The following GRM1 variants were observed in gnomAD, a reference collection of about 807,000 sequenced individuals.
The protein encoded by GRM1 is glutamate metabotropic receptor 1, also known as metabotropic glutamate receptor 1.
Under a neutral mutation model 90.9 loss-of-function variants are expected in GRM1, and 33 were observed. That is an observed-to-expected ratio of 0.36 (90% CI 0.28 to 0.49). GRM1 has a LOEUF of 0.49. Among genes scored for constraint, GRM1 ranks in the 20% least tolerant of loss-of-function variants. The pLI is 0.99. For missense variants in GRM1, 1,190 were observed against 1,534.3 expected, an observed-to-expected ratio of 0.78 and a Z score of 3.75; for synonymous variants, 700 against 613.2, an observed-to-expected ratio of 1.14 and a Z score of -2.09.
intron 1 of GRM1, among the ~76,000 whole-genome samples, chr6:146,063,331 G>A (rs182965622): frequency 7.9e-4 from 121 of 152,256 alleles, no homozygotes; most frequent in Middle Eastern, 6.8e-3. Context: ...GTTTTTAATC[G>A]AGTCTCATCA....
chr6:146,344,397 T>A (rs978851671), intron 3 of GRM1, among the ~76,000 whole-genome samples: 3 of 152,242 alleles, frequency 2.0e-5, no homozygotes, highest in Non-Finnish European at 4.4e-5. Flanking sequence ...TTGTCGTTCT[T>A]GTTTCTGTAA....
intron 2 of GRM1, among the ~76,000 whole-genome samples, chr6:146,199,324 T>A (rs1335571495): frequency 6.6e-6 from 1 of 152,214 alleles, no homozygotes; most frequent in African/African-American, 2.4e-5. Context: ...TCAGCATTGG[T>A]CATTGCTTTC....
rs552799663 is a variant in GRM1 at position 146,392,008 on chromosome 6, C to A, written c.1729+4992C>A. ...TGTATAGGACAGAGTTATTTTATAG[C>A]TAGATTTGGACAACTTTATGATTAT... On this transcript the variant is annotated intron_variant, in intron 6 of 7. Coordinates refer to ENST00000282753, the MANE Select transcript of GRM1 (RefSeq NM_001278064.2). Among the ~76,000 whole-genome samples the A allele has an allele frequency of 2.6e-5, 4 of 152,212 alleles. No individual in the cohort carries two copies. The South Asian group carries it at 8.3e-4, about 32-fold the overall frequency.
rs1213846206 is a variant in GRM1 at position 146,435,867 on chromosome 6, A to G, written c.*1071A>G. The G allele has an allele frequency of 6.5e-6, 1 of 152,782 alleles. No individual in the cohort carries two copies. The highest frequency in any genetic ancestry group is 1.9e-4 in the East Asian group (1 of 5,182). 9.5% of individuals were successfully genotyped at this position (152,782 alleles called of 1,614,324 possible). ...GAACTTCTAAGATGCGTATATGTAC[A>G]ATTTGGTGCCATTATTTCTCCTACG... On this transcript the variant is annotated 3_prime_UTR_variant, in exon 8 of 8. Coordinates refer to ENST00000282753, the MANE Select transcript of GRM1 (RefSeq NM_001278064.2).
At chr6:146,161,899 T>C (rs1478115202) in intron 2 of GRM1, among the ~76,000 whole-genome samples, 1 of 152,164 alleles carries the variant, frequency 6.6e-6, no homozygotes, top group South Asian at 2.1e-4. Flanking sequence ...CAGAGCCAAG[T>C]AGTGAGACGA....
intron 3 of GRM1, among the ~76,000 whole-genome samples, chr6:146,324,326 A>G (rs1784320483): frequency 6.6e-6 from 1 of 152,088 alleles, no homozygotes; most frequent in African/African-American, 2.4e-5. Context: ...TAGCTTGCTG[A>G]GCTCTGTGCG....
intron 7 of GRM1, among the ~76,000 whole-genome samples, chr6:146,412,633 T>C (rs748014341): frequency 2.5e-4 from 38 of 152,244 alleles, no homozygotes; most frequent in Non-Finnish European, 4.1e-4. Context: ...GTGCTCAGCT[T>C]TTCTGACAGA....
At chr6:146,112,632 T>C (rs1296734069) in intron 1 of GRM1, among the ~76,000 whole-genome samples, 1 of 152,212 alleles carries the variant, frequency 6.6e-6, no homozygotes, top group African/African-American at 2.4e-5. Context: ...ACTGTTTCTA[T>C]GCATAAGAAG....
At chr6:146,081,796 G>T (rs1376807051) in intron 1 of GRM1, among the ~76,000 whole-genome samples, 1 of 152,086 alleles carries the variant, frequency 6.6e-6, no homozygotes, top group Admixed American at 6.5e-5. Flanking sequence ...TTGAGTCTCT[G>T]GAGTGGCAAA....
chr6:146,175,110 C>T (rs189214762), intron 2 of GRM1, among the ~76,000 whole-genome samples: 101 of 152,208 alleles, frequency 6.6e-4, no homozygotes, highest in Admixed American at 1.4e-3. Context: ...CTAGGTCCAG[C>T]AATTCAAGGG....
At chr6:146,393,728 C>G (rs546639259) in intron 6 of GRM1, among the ~76,000 whole-genome samples, 1 of 152,252 alleles carries the variant, frequency 6.6e-6, no homozygotes, top group African/African-American at 2.4e-5. Context: ...TCCCATCAAG[C>G]TACCATTGAC....
intron 6 of GRM1, 88 bp from the exon 7 acceptor site, chr6:146,398,679 AAG>A: frequency 1.1e-6 from 1 of 887,506 alleles, no homozygotes; most frequent in Non-Finnish European, 1.9e-6. Flanking sequence ...GAAGGATGCA[AAG>A]ATGACTGTGT....
chr6:146,428,194 T>G (rs1778284222), intron 7 of GRM1, among the ~76,000 whole-genome samples: 1 of 152,206 alleles, frequency 6.6e-6, no homozygotes, highest in Admixed American at 6.5e-5. Context: ...AAACTAAGAC[T>G]GGATATTTTT....
chr6:146,205,288 TAGCATACAAAA>T (rs1779457229), intron 2 of GRM1, among the ~76,000 whole-genome samples: 1 of 152,200 alleles, frequency 6.6e-6, no homozygotes, highest in Non-Finnish European at 1.5e-5. Context: ...TATTCTTTCA[TAGCATACAAAA>T]TTTATTTTAA....
At chr6:146,140,138 T>TTTCTTTCTTTCTTTCTTTCTTTCC (rs1415545136) in intron 1 of GRM1, among the ~76,000 whole-genome samples, 2 of 128,272 alleles carry the variant, frequency 1.6e-5, no homozygotes, top group Admixed American at 8.6e-5. Context: ...TCTTTCTTTC[T>TTTCTTTCTTTCTTTCTTTCTTTCC]TTCCTTCCTT....
rs1235646865 is a variant in GRM1, at chr6:146,434,722, C to T, written c.3511C>T (p.Leu1171Phe). The T allele has an allele frequency of 1.2e-6, 2 of 1,601,570 alleles. No individual in the cohort carries two copies. The highest frequency in any genetic ancestry group is 4.5e-5 in the East Asian group (2 of 44,870). The change falls in exon 8 of 8, where the codon CTC becomes TTC. Residue 1171 changes from leucine to phenylalanine, a missense_variant. By Grantham distance (22) the Leu-to-Phe change is conservative. Around this residue, in one of 10 missense-constraint regions of GRM1, gnomAD observed 48 missense variants for 48.5 expected, o/e 0.99. Coordinates refer to ENST00000282753, the MANE Select transcript of GRM1 (RefSeq NM_001278064.2). ...CAGCTCCCCCGTGTCCGAGTCGGTG[C>T]TCTGCACCCCTCCCAACGTATCCTA... is the stretch of plus-strand genomic sequence containing the variant. Reference protein sequence around the residue: ...VPSSPVSESVLCTPPNVSYAS... With the variant: ...VPSSPVSESVFCTPPNVSYAS...
chr6:146,038,854 G>GA (rs1287217422), intron 1 of GRM1, among the ~76,000 whole-genome samples: 1 of 151,432 alleles, frequency 6.6e-6, no homozygotes, highest in Non-Finnish European at 1.5e-5. Context: ...ATGTTCAAGA[G>GA]AAAAAAACTT....
chr6:146,042,137 T>C (rs1459731661), intron 1 of GRM1, among the ~76,000 whole-genome samples: 1 of 152,044 alleles, frequency 6.6e-6, no homozygotes, highest in Non-Finnish European at 1.5e-5. Context: ...CAAAAGTCTC[T>C]ATCTTTTAAT....
chr6:146,165,000 T>G (rs1777859851), intron 2 of GRM1, among the ~76,000 whole-genome samples: 1 of 152,104 alleles, frequency 6.6e-6, no homozygotes, highest in Non-Finnish European at 1.5e-5. Context: ...TATCTATTGC[T>G]TCTCGCAACT....
Sources: gnomAD v4.1 joint callset for allele counts (sites outside exome capture counted in the v4.1 genomes callset) on GRCh38, gnomAD v4.1.1 for gene constraint, gnomAD v4.1.1 regional missense constraint, MANE v1.5 for transcripts, NCBI Gene and HGNC (gene_info 2026-07-23, HGNC 2026-07-21) for gene names.